Variants in INPP5D observed in about 807,000 individuals in gnomAD.
INPP5D encodes phosphatidylinositol 3,4,5-trisphosphate 5-phosphatase 1.
INPP5D carries 33 observed loss-of-function variants against 122.9 expected under a neutral mutation model. The observed-to-expected ratio is 0.27, with a 90% CI of 0.20 to 0.36. The LOEUF (loss-of-function observed/expected upper bound fraction) is 0.36, where lower values mean the gene tolerates loss of function less well. Among genes scored for constraint, INPP5D ranks in the 10% least tolerant of loss-of-function variants. The pLI is 1.00. For missense variants in INPP5D, 1,053 were observed against 1,412.7 expected (o/e 0.75, Z 4.08); for synonymous variants, 584 against 576.2 (o/e 1.01, Z -0.19).
chr2:233,097,925 C>T (rs561317944), intron 2 of INPP5D, among the ~76,000 whole-genome samples: 12 of 151,030 alleles, frequency 7.9e-5, no homozygotes, highest in African/African-American at 2.9e-4. Context: ...CTCACTCTGT[C>T]GCCTAGGCTG....
At position 233,189,968 on chromosome 2, in the gene INPP5D, C is replaced by T; in HGVS notation, c.2446+31C>T. The stretch of plus-strand genomic sequence containing the variant: ...GGTCTGTGGGCAGGTGCCACACCTG[C>T]CTGTGAACTGGCGGCCTCTGACGTA... On this transcript the variant is annotated intron_variant, in intron 22 of 26. Transcript: ENST00000445964. The surrounding 1 kb of genome is among the most constrained non-coding windows in gnomAD (Gnocchi z 5.6). The T allele has an allele frequency of 6.2e-7, 1 of 1,608,418 alleles. No homozygotes were observed. Among genetic ancestry groups the T allele is most frequent in the Non-Finnish European group, 8.5e-7 (1 of 1,177,518 alleles).
chr2:233,094,055 C>G (rs1207779373), intron 2 of INPP5D, among the ~76,000 whole-genome samples: 1 of 152,094 alleles, frequency 6.6e-6, no homozygotes, highest in African/African-American at 2.4e-5. Context: ...GCTGCAGCCA[C>G]AGGCCACATG....
rs1191661960 is a variant in INPP5D at position 233,187,901 on chromosome 2, C to A, written c.2359-1949C>A. Among the ~76,000 whole-genome samples, 10 of 152,102 alleles carry A rather than the reference C, an allele frequency of 6.6e-5. No individual in the cohort carries two copies. The East Asian group carries it at 1.9e-3, about 29-fold the overall frequency. ...GGTGAAGGTGGAAAAGAGAGCAGCA[C>A]CCCATTCCACAACATGTTCACCCCC... is the stretch of plus-strand genomic sequence containing the variant. On this transcript the variant is annotated intron_variant, in intron 21 of 26. Transcript: ENST00000445964.
chr2:233,127,200 G>A (rs1214308374), intron 4 of INPP5D, among the ~76,000 whole-genome samples: 1 of 152,324 alleles, frequency 6.6e-6, no homozygotes, highest in South Asian at 2.1e-4. Context: ...GGTTAGGGTC[G>A]GGGCATGGGC....
rs1349646880 is a variant in INPP5D, at chr2:233,105,937, C to T, written c.199-16170C>T. ...GGCCACTGGGAGGTCAGAGAGCAGT[C>T]GCTATGGGAATGAGCATGTGGAACT... On this transcript the variant is annotated intron_variant, in intron 2 of 26. Transcript: ENST00000445964. This position sits in a 1 kb window ranked among gnomAD's most constrained non-coding sequence, Gnocchi z 4.0. Among the ~76,000 whole-genome samples the T allele has an allele frequency of 1.3e-5, 2 of 152,128 alleles. No individual in the cohort carries two copies. The highest frequency in any genetic ancestry group is 4.8e-5 in the African/African-American group (2 of 41,426).
At chr2:233,129,376 T>A (rs1693253898) in intron 4 of INPP5D, among the ~76,000 whole-genome samples, 1 of 152,242 alleles carries the variant, frequency 6.6e-6, no homozygotes, top group South Asian at 2.1e-4. Context: ...AGGAAATACT[T>A]GCTGTAATTA....
intron 2 of INPP5D, among the ~76,000 whole-genome samples, chr2:233,080,157 T>C (rs1691636013): frequency 6.6e-6 from 1 of 152,110 alleles, no homozygotes; most frequent in African/African-American, 2.4e-5. Context: ...CTTAAACTCC[T>C]GACAGCGAAT....
At chr2:233,094,840 G>C (rs1209656415) in intron 2 of INPP5D, among the ~76,000 whole-genome samples, 1 of 152,164 alleles carries the variant, frequency 6.6e-6, no homozygotes, top group African/African-American at 2.4e-5. Flanking sequence ...TGCAAATGCC[G>C]ACAAATGCTC....
Position 233,177,140 on chromosome 2 carries a change from T to C in INPP5D, c.1990-125T>C. ...AAGTTTAAAGCCACCTACAGGGAAA[T>C]TCTATAAAAAGCCAACAGCCGATGA... On this transcript the variant is annotated intron_variant, in intron 17 of 26. Transcript: ENST00000445964. The surrounding 1 kb of genome is among the most constrained non-coding windows in gnomAD (Gnocchi z 4.2). 1 of 1,326,266 alleles carries C rather than the reference T, an allele frequency of 7.5e-7. No individual in the cohort carries two copies. Among genetic ancestry groups the C allele is most frequent in the Non-Finnish European group, 1.0e-6 (1 of 971,368 alleles). The allele number at this position is 1,326,266 out of a possible 1,614,324, so 82.2% of individuals were successfully genotyped here.
chr2:233,084,279 G>A (rs942033061), intron 2 of INPP5D, among the ~76,000 whole-genome samples: 1 of 152,140 alleles, frequency 6.6e-6, no homozygotes, highest in Non-Finnish European at 1.5e-5. Context: ...GGTCTCAAAC[G>A]CCTGGGCTCA....
chr2:233,177,616 C>G lies in INPP5D; in HGVS notation c.2071+270C>G, dbSNP rs1421018564. 6.6e-6 allele frequency among the ~76,000 whole-genome samples: 1 copy of G among 152,190 alleles called. No homozygotes were observed. Among genetic ancestry groups the G allele is most frequent in the African/African-American group, 2.4e-5 (1 of 41,454 alleles). On this transcript the variant is annotated intron_variant, in intron 18 of 26. Coordinates refer to ENST00000445964, the MANE Select transcript of INPP5D (RefSeq NM_001017915.3). The surrounding 1 kb of genome is among the most constrained non-coding windows in gnomAD (Gnocchi z 4.2). ...TGAGACGGAGTCTCACTCTGTCACC[C>G]AGGCTGGAGTACAATGGCATGATCT...
intron 11 of INPP5D, among the ~76,000 whole-genome samples, chr2:233,162,637 C>T (rs1033093666): frequency 2.0e-5 from 3 of 152,166 alleles, no homozygotes; most frequent in Admixed American, 6.5e-5. Flanking sequence ...CTAAAAACTA[C>T]CAGTTTATCT....
intron 23 of INPP5D, 56 bp from the exon 24 acceptor site, chr2:233,195,343 G>A (rs950574596): frequency 8.1e-6 from 13 of 1,611,978 alleles, no homozygotes; most frequent in East Asian, 4.5e-5. Flanking sequence ...GCCATCCCTC[G>A]CCTAAGCTCT....
chr2:233,075,551 A>G (rs1409519593), intron 1 of INPP5D, among the ~76,000 whole-genome samples: 2 of 152,084 alleles, frequency 1.3e-5, no homozygotes, highest in African/African-American at 4.8e-5. Flanking sequence ...GCATGCATGC[A>G]TGTTACATGT....
At chr2:233,167,660 G>C (rs1694379756) in intron 13 of INPP5D, among the ~76,000 whole-genome samples, 1 of 152,182 alleles carries the variant, frequency 6.6e-6, no homozygotes, top group Non-Finnish European at 1.5e-5. Context: ...GTTGAGCCAG[G>C]TGATATCCAG....
intron 13 of INPP5D, among the ~76,000 whole-genome samples, 169 bp from the exon 14 acceptor site, chr2:233,169,136 C>T (rs1694421678): frequency 6.6e-6 from 1 of 152,198 alleles, no homozygotes; most frequent in Admixed American, 6.5e-5. Context: ...TGCATTTTCT[C>T]ATCTCCCGCT....
At chr2:233,146,669 G>A (rs908136579) in intron 8 of INPP5D, among the ~76,000 whole-genome samples, 6 of 152,358 alleles carry the variant, frequency 3.9e-5, no homozygotes, top group South Asian at 4.1e-4. Flanking sequence ...CTACAAGGGA[G>A]GAGTGTCTCA....
intron 1 of INPP5D, among the ~76,000 whole-genome samples, chr2:233,073,817 A>G (rs893964857): frequency 6.6e-6 from 1 of 151,704 alleles, no homozygotes; most frequent in South Asian, 2.1e-4. Flanking sequence ...TCTCCAATCC[A>G]TAGCTGCTAT....
chr2:233,139,875 T>C lies in INPP5D; in HGVS notation c.699T>C (p.Ser233=). ...TCCGGACCCTCCCATCCCTGGAGTCTCTGCAGAGGTTATTTGACCAGCAGC... is the reference window on the plus strand; with the variant it reads ...TCCGGACCCTCCCATCCCTGGAGTCCCTGCAGAGGTTATTTGACCAGCAGC... ...EVIRTLPSLE[S]LQRLFDQQLS... The change falls in exon 6 of 27, where the codon TCT becomes TCC. Residue 233 remains serine (S), a synonymous_variant. Coordinates refer to ENST00000445964, the MANE Select transcript of INPP5D (RefSeq NM_001017915.3). 2.5e-6 allele frequency: 1 copy of C among 398,788 alleles called. No individual in the cohort carries two copies. Among genetic ancestry groups the C allele is most frequent in the Non-Finnish European group, 4.4e-6 (1 of 226,226 alleles). 24.7% of individuals were successfully genotyped at this position (398,788 alleles called of 1,614,324 possible).
Sources: gnomAD v4.1 joint callset for allele counts (sites outside exome capture counted in the v4.1 genomes callset) on GRCh38, gnomAD v4.1.1 for gene constraint, Gnocchi (gnomAD v3.1) non-coding constraint, MANE v1.5 for transcripts, NCBI Gene and HGNC (gene_info 2026-07-23, HGNC 2026-07-21) for gene names.